The following STXBP6 variants were observed in gnomAD, a reference collection of about 807,000 sequenced individuals.
STXBP6 encodes syntaxin binding protein 6.
A neutral mutation model predicts 26.9 loss-of-function variants in STXBP6; 21 were observed. The observed-to-expected ratio is 0.78, with a 90% CI of 0.55 to 1.12. STXBP6 has a LOEUF of 1.12. Ranked by LOEUF, STXBP6 falls within the 50% of genes most tolerant of loss-of-function variation. The pLI is 0.00. For missense variants in STXBP6, 232 were observed against 257.9 expected (o/e 0.90, Z 0.69); for synonymous variants, 97 against 92.6 (o/e 1.05, Z -0.27).
chr14:24,880,580 A>C (rs2139421822), intron 2 of STXBP6, among the ~76,000 whole-genome samples: 1 of 152,286 alleles, frequency 6.6e-6, no homozygotes, highest in East Asian at 1.9e-4. Context: ...ATTGCTCCCT[A>C]CCATCTGGTG....
At chr14:25,003,326 C>T (rs2140341161) in intron 1 of STXBP6, among the ~76,000 whole-genome samples, 1 of 152,296 alleles carries the variant, frequency 6.6e-6, no homozygotes, top group Non-Finnish European at 1.5e-5. Flanking sequence ...ATCTTCTCTC[C>T]TAGCCTTTAG....
At position 24,967,605 on chromosome 14, in the gene STXBP6, A is replaced by G. The variant is rs192847996; in HGVS notation, c.154+7060T>C. Among the ~76,000 whole-genome samples the G allele has an allele frequency of 1.5e-3, 221 of 152,360 alleles. 1 individual carries two copies. Among genetic ancestry groups the G allele is most frequent in the African/African-American group, 5.0e-3 (207 of 41,578 alleles). On this transcript the variant is annotated intron_variant, in intron 2 of 5. Transcript: ENST00000323944. ...AAAGGATGTAAGAAAACTCACAATC[A>G]AGGCACTGAGAATAACTTTGTTTTT...
chr14:24,880,062 T>C (rs2070299931), intron 2 of STXBP6, among the ~76,000 whole-genome samples: 1 of 152,230 alleles, frequency 6.6e-6, no homozygotes, highest in African/African-American at 2.4e-5. Flanking sequence ...TGGCTGCCTC[T>C]GTGAGTGAAA....
chr14:24,855,202 T>A (rs1378850268), intron 4 of STXBP6, among the ~76,000 whole-genome samples: 1 of 152,066 alleles, frequency 6.6e-6, no homozygotes, highest in East Asian at 1.9e-4. Context: ...AACATCTGAT[T>A]AAGGCAAAGC....
At chr14:24,890,369 T>C (rs569728932) in intron 2 of STXBP6, among the ~76,000 whole-genome samples, 2 of 152,284 alleles carry the variant, frequency 1.3e-5, no homozygotes, top group East Asian at 1.9e-4. Flanking sequence ...ATTCACAATA[T>C]TCATCACAAG....
chr14:24,862,897 T>A (rs937095776), intron 2 of STXBP6, among the ~76,000 whole-genome samples: 1 of 152,130 alleles, frequency 6.6e-6, no homozygotes, highest in Non-Finnish European at 1.5e-5. Flanking sequence ...TTGCAGGCGG[T>A]ACTAGCTGGT....
At chr14:24,937,788 T>G (rs1296115470) in intron 2 of STXBP6, among the ~76,000 whole-genome samples, 1 of 152,212 alleles carries the variant, frequency 6.6e-6, no homozygotes, top group East Asian at 1.9e-4. Context: ...ACATTAAGCT[T>G]AATTGTCCAT....
chr14:24,977,450 C>T (rs2074079947), intron 1 of STXBP6, among the ~76,000 whole-genome samples: 1 of 151,796 alleles, frequency 6.6e-6, no homozygotes, highest in South Asian at 2.1e-4. Flanking sequence ...TAGATAAAGC[C>T]AGTAACTTCT....
intron 4 of STXBP6, among the ~76,000 whole-genome samples, chr14:24,853,988 A>C (rs966994587): frequency 6.6e-6 from 1 of 152,128 alleles, no homozygotes; most frequent in Non-Finnish European, 1.5e-5. Context: ...GGGTCTATTA[A>C]GGAACCAAAT....
chr14:25,046,823 T>C (rs2075735248), intron 1 of STXBP6, among the ~76,000 whole-genome samples: 1 of 152,128 alleles, frequency 6.6e-6, no homozygotes, highest in African/African-American at 2.4e-5. Flanking sequence ...TAGTGCTTCA[T>C]TACAAGCTAG....
intron 2 of STXBP6, among the ~76,000 whole-genome samples, chr14:24,882,326 C>T (rs1168112943): frequency 8.0e-6 from 1 of 125,216 alleles, no homozygotes; most frequent in Non-Finnish European, 1.6e-5. Flanking sequence ...TTGCAGTGAG[C>T]CGAGATCCCG....
At chr14:24,862,964 TA>T (rs1320175265) in intron 2 of STXBP6, among the ~76,000 whole-genome samples, 1 of 152,172 alleles carries the variant, frequency 6.6e-6, no homozygotes, top group Non-Finnish European at 1.5e-5. Flanking sequence ...TGTGCAATTT[TA>T]ATGCCACAGG....
chr14:24,964,461 T>A (rs1320770125), intron 2 of STXBP6, among the ~76,000 whole-genome samples: 1 of 152,300 alleles, frequency 6.6e-6, no homozygotes, highest in East Asian at 1.9e-4. Flanking sequence ...GCTGGAAATG[T>A]CAGTCATTCG....
At chr14:24,999,690 C>G (rs1734390248) in intron 1 of STXBP6, among the ~76,000 whole-genome samples, 1 of 151,980 alleles carries the variant, frequency 6.6e-6, no homozygotes, top group Non-Finnish European at 1.5e-5. Flanking sequence ...TGCCACTACC[C>G]CCAAAAGACT....
chr14:24,841,317 A>G (rs2068777427), intron 4 of STXBP6, among the ~76,000 whole-genome samples: 1 of 152,212 alleles, frequency 6.6e-6, no homozygotes, highest in African/African-American at 2.4e-5. Flanking sequence ...ACAAGCCATC[A>G]GTTTATCCTT....
chr14:24,873,024 T>G (rs2139352930), intron 2 of STXBP6, among the ~76,000 whole-genome samples: 1 of 152,350 alleles, frequency 6.6e-6, no homozygotes, highest in South Asian at 2.1e-4. Flanking sequence ...TATTTGTAAT[T>G]TAATAGGTTA....
At chr14:24,844,493 C>G (rs111574562) in intron 4 of STXBP6, among the ~76,000 whole-genome samples, 1 of 152,128 alleles carries the variant, frequency 6.6e-6, no homozygotes, top group Non-Finnish European at 1.5e-5. Flanking sequence ...CCTTAACCAG[C>G]AGGGTCTGCA....
In STXBP6 at chr14:25,025,466, T is replaced by C. The variant is rs1328616241; in HGVS notation, c.-33+24412A>G. 4.6e-5 allele frequency among the ~76,000 whole-genome samples: 7 copies of C among 152,166 alleles called. No individual in the cohort carries two copies. The East Asian group carries it at 1.4e-3, about 29-fold the overall frequency. ...CTAATCAATGGGCAAACACAGAAGA[T>C]ATGCAGGTTGCAGATTATCTTTAAG... On this transcript the variant is annotated intron_variant, in intron 1 of 5. Coordinates refer to ENST00000323944, the MANE Select transcript of STXBP6 (RefSeq NM_001394410.1).
At chr14:24,859,596 C>T (rs2069459712) in intron 2 of STXBP6, among the ~76,000 whole-genome samples, 1 of 152,014 alleles carries the variant, frequency 6.6e-6, no homozygotes, top group Admixed American at 6.6e-5. Context: ...ACACAAAATC[C>T]AGATGTCTAG....
Sources: allele counts gnomAD v4.1 joint callset (sites outside exome capture counted in the v4.1 genomes callset), GRCh38; gene constraint gnomAD v4.1.1; transcripts MANE v1.5; gene names NCBI Gene and HGNC (gene_info 2026-07-23, HGNC 2026-07-21).